ANK2: variants seen among roughly 807,000 people sequenced by gnomAD.
The protein encoded by ANK2 is ankyrin-2.
In ANK2, 83 loss-of-function variants were observed where a neutral mutation model predicts 360.5. The ratio of observed to expected loss-of-function variants is 0.23; its 90% CI spans 0.19 to 0.28. The LOEUF is 0.28. Ranked by LOEUF, ANK2 falls within the 10% of genes least tolerant of loss-of-function variation. The pLI is 1.00. For synonymous variants in ANK2, 1,740 were observed against 1,759.5 expected (o/e 0.99, Z 0.28); for missense variants, 4,201 against 4,795.7 (o/e 0.88, Z 3.66).
the ANK2 span, among the ~76,000 whole-genome samples, chr4:112,769,315 C>CA: frequency 1.3e-5 from 2 of 152,218 alleles, no homozygotes. Flanking sequence ...GCCAGTGTCA[C>CA]ACTGGCCAAA....
chr4:113,367,861 C>T lies in ANK2; in HGVS notation c.11318+10C>T. ...ATCAGCAGGAATATTTGTGAGTTTCCAAAGAAAGCCTGTCAAATGTAATAC... is the reference window on the plus strand; with the variant it reads ...ATCAGCAGGAATATTTGTGAGTTTCTAAAGAAAGCCTGTCAAATGTAATAC... On this transcript the variant is annotated intron_variant, in intron 42 of 45. Coordinates refer to ENST00000357077, the MANE Select transcript of ANK2 (RefSeq NM_001148.6). 2 of 1,613,920 alleles carry T rather than the reference C, an allele frequency of 1.2e-6. No individual in the cohort carries two copies. The highest frequency in any genetic ancestry group is 1.1e-5 in the South Asian group (1 of 91,050).
At chr4:113,037,896 C>T (rs573393375) in intron 2 of ANK2, among the ~76,000 whole-genome samples, 11 of 152,162 alleles carry the variant, frequency 7.2e-5, no homozygotes, top group Admixed American at 2.0e-4. Flanking sequence ...AAATTCTAGA[C>T]TGCAGTAGCA....
At chr4:113,103,418 T>G (rs2093202274) in intron 1 of ANK2, among the ~76,000 whole-genome samples, 1 of 152,176 alleles carries the variant, frequency 6.6e-6, no homozygotes, top group Admixed American at 6.5e-5. Flanking sequence ...TCAACTGTTT[T>G]AAAAATAGTA....
intron 18 of ANK2, among the ~76,000 whole-genome samples, chr4:113,287,327 G>A (rs1422150926): frequency 1.3e-5 from 2 of 152,188 alleles, no homozygotes; most frequent in African/African-American, 4.8e-5. Context: ...CTTATTGGCT[G>A]TGCTATTTTA....
intron 2 of ANK2, among the ~76,000 whole-genome samples, chr4:112,941,916 C>T (rs1182630198): frequency 6.6e-6 from 1 of 150,584 alleles, no homozygotes. Flanking sequence ...ATAGGACCTA[C>T]TTCATAAGGT....
chr4:112,748,156 CAAGG>C, the ANK2 span, among the ~76,000 whole-genome samples: 1 of 152,112 alleles, frequency 6.6e-6, no homozygotes, highest in Non-Finnish European at 1.5e-5. Context: ...GCTCTTCTTT[CAAGG>C]AGCTACCTTA....
intron 9 of ANK2, among the ~76,000 whole-genome samples, chr4:113,244,042 C>A (rs2041480142): frequency 6.6e-6 from 1 of 152,072 alleles, no homozygotes; most frequent in African/African-American, 2.4e-5. Flanking sequence ...ATTAAAAAGT[C>A]TAACTCCAAA....
intron 4 of ANK2, among the ~76,000 whole-genome samples, chr4:113,201,967 A>T (rs1251934070): frequency 6.6e-6 from 1 of 152,178 alleles, no homozygotes; most frequent in Non-Finnish European, 1.5e-5. Context: ...ATTGCAGGGG[A>T]TTCTGACAAA....
chr4:113,356,772 T>G lies in ANK2; in HGVS notation c.8154T>G (p.Tyr2718Ter), dbSNP rs1478713786. 1 of 1,613,956 alleles carries G rather than the reference T, an allele frequency of 6.2e-7. No individual in the cohort carries two copies. Among genetic ancestry groups the G allele is most frequent in the Non-Finnish European group, 8.5e-7 (1 of 1,179,990 alleles). ...VQFQPVVSKQ[Y>*]TFKMNEDTQE... ...TCCAGCCTGTCGTTTCCAAACAATA[T>G]ACTTTCAAGATGAATGAAGATACTC... Residue 2718 changes from tyrosine to a stop codon, truncating the protein, a stop_gained, in exon 38 of 46, where the codon TAT (tyrosine) becomes TAG (stop). Transcript: ENST00000357077. LOFTEE classifies it high-confidence loss of function.
At chr4:112,808,532 T>C in the ANK2 span, among the ~76,000 whole-genome samples, 1 of 152,328 alleles carries the variant, frequency 6.6e-6, no homozygotes, top group Middle Eastern at 3.4e-3. Flanking sequence ...GGATTAAGTA[T>C]TAGTTGTCAG....
At chr4:112,832,244 G>C (rs558678848) in intron 1 of ANK2, among the ~76,000 whole-genome samples, 1 of 152,184 alleles carries the variant, frequency 6.6e-6, no homozygotes, top group Non-Finnish European at 1.5e-5. Context: ...GTAGAGACAG[G>C]GTTTCACCCT....
chr4:113,276,750 C>T (rs1480663184), intron 15 of ANK2, among the ~76,000 whole-genome samples: 1 of 152,182 alleles, frequency 6.6e-6, no homozygotes, highest in Non-Finnish European at 1.5e-5. Context: ...AACGTCATCT[C>T]ATTTAAAAAT....
At chr4:112,714,227 G>C in the ANK2 span, among the ~76,000 whole-genome samples, 269 of 152,260 alleles carry the variant, frequency 1.8e-3, 1 homozygote, top group African/African-American at 6.0e-3. Context: ...CTGTTGCCCA[G>C]GCTGGAGGGC....
chr4:113,167,303 CTT>C (rs111441839), intron 1 of ANK2, among the ~76,000 whole-genome samples: 11 of 141,096 alleles, frequency 7.8e-5, no homozygotes, highest in Admixed American at 1.4e-4. Context: ...CTAGGGTCAC[CTT>C]TTTTTTTTTT....
chr4:113,066,960 TA>T (rs1237560337), intron 1 of ANK2, among the ~76,000 whole-genome samples: 2 of 151,900 alleles, frequency 1.3e-5, no homozygotes, highest in Admixed American at 1.3e-4. Flanking sequence ...TAGTAAGCAT[TA>T]TGTGAGTGTT....
intron 45 of ANK2, among the ~76,000 whole-genome samples, chr4:113,376,125 TG>T (rs2096924023): frequency 6.6e-6 from 1 of 152,182 alleles, no homozygotes; most frequent in Non-Finnish European, 1.5e-5. Flanking sequence ...TAGGCATAAG[TG>T]GGTTTTAATG....
chr4:113,097,867 T>TATATATATATATAC (rs1491510127), intron 1 of ANK2, among the ~76,000 whole-genome samples: 1,364 of 110,536 alleles, frequency 0.012, 37 homozygotes, highest in African/African-American at 0.052. Context: ...TGTGTGTGTG[T>TATATATATATATAC]ATATATATGC....
In ANK2 at chr4:113,358,543, A is replaced by G. The variant is rs1273140800; in HGVS notation, c.9925A>G (p.Met3309Val). 6.2e-7 allele frequency: 1 copy of G among 1,614,110 alleles called. No individual in the cohort carries two copies. Among genetic ancestry groups the G allele is most frequent in the East Asian group, 2.2e-5 (1 of 44,882 alleles). The stretch of plus-strand genomic sequence containing the variant: ...CAAATCCAAAATTCCTGTAAGGACT[A>G]TGCCCACTTCCACCCCAGCACCTCC... ...ESKSKIPVRT[M>V]PTSTPAPPSA... The change falls in exon 38 of 46, where the codon ATG becomes GTG. Residue 3309 changes from methionine (M) to valine (V), a missense_variant. By Grantham distance (21) the Met-to-Val change is conservative. Coordinates refer to ENST00000357077, the MANE Select transcript of ANK2 (RefSeq NM_001148.6).
chr4:112,886,501 A>G (rs2078399025), intron 1 of ANK2, among the ~76,000 whole-genome samples: 1 of 152,060 alleles, frequency 6.6e-6, no homozygotes, highest in Non-Finnish European at 1.5e-5. Context: ...GTCTCTATTA[A>G]AAATACAAAA....
Sources: allele counts gnomAD v4.1 joint callset (sites outside exome capture counted in the v4.1 genomes callset), GRCh38; gene constraint gnomAD v4.1.1; transcripts MANE v1.5; gene names NCBI Gene and HGNC (gene_info 2026-07-23, HGNC 2026-07-21).